The following BBS2 variants were observed in gnomAD, a reference collection of about 807,000 sequenced individuals.
The protein encoded by BBS2 is BBSome complex member BBS2.
A neutral mutation model predicts 83.0 loss-of-function variants in BBS2; 62 were observed. The ratio of observed to expected loss-of-function variants is 0.75; its 90% CI spans 0.61 to 0.92. The LOEUF (loss-of-function observed/expected upper bound fraction) is 0.92. Ranked by LOEUF, BBS2 falls within the 40% of genes least tolerant of loss-of-function variation. BBS2 has a pLI of 0.00. For synonymous variants in BBS2, 303 were observed against 326.1 expected (o/e 0.93, Z 0.76); for missense variants, 784 against 901.0 (o/e 0.87, Z 1.66).
chr16:56,475,989 A>G, intron 17 of BBS2: 1 of 1,491,064 alleles, frequency 6.7e-7, no homozygotes, highest in Non-Finnish European at 9.2e-7. Flanking sequence ...TTAATCATCC[A>G]AGATTTGAGA....
chr16:56,500,068 T>G lies in BBS2; in HGVS notation c.1398-161A>C, dbSNP rs1964221162. 6 of 746,076 alleles carry G rather than the reference T, an allele frequency of 8.0e-6. No homozygotes were observed. In the East Asian group the frequency reaches 1.7e-4, roughly 21 times the overall value. The allele number at this position is 746,076 out of a possible 1,614,324, so 46.2% of individuals were successfully genotyped here. A position where few individuals can be genotyped will look rare whatever the true frequency, so the allele number is the denominator to read the frequency against. ...ACACTTGAGGGTTAAAGTACTACAG[T>G]AATATATTAGGTTTGGGATTTAAAG... On this transcript the variant is annotated intron_variant, in intron 11 of 16. Coordinates refer to ENST00000245157, the MANE Select transcript of BBS2 (RefSeq NM_031885.5).
downstream of BBS2, among the ~76,000 whole-genome samples, chr16:56,480,354 A>AC (rs1963634411): frequency 9.9e-6 from 1 of 101,134 alleles, no homozygotes; most frequent in Admixed American, 9.0e-5. Context: ...CACACACACA[A>AC]AAAAAAAAAA....
intron 4 of BBS2, among the ~76,000 whole-genome samples, chr16:56,510,308 C>T (rs978985542): frequency 5.3e-5 from 8 of 152,188 alleles, no homozygotes; most frequent in African/African-American, 1.4e-4. Flanking sequence ...TGAAAAGGCT[C>T]CCTGGATCAG....
chr16:56,502,555 G>T, intron 8 of BBS2, 99 bp from the exon 9 acceptor site: 2 of 1,610,178 alleles, frequency 1.2e-6, no homozygotes, highest in Middle Eastern at 3.3e-4. Flanking sequence ...CCCAACTTTG[G>T]TGAATTTATT....
At chr16:56,480,358 AAAAAAAAC>A (rs1408854809), downstream of BBS2, among the ~76,000 whole-genome samples, 3 of 145,316 alleles carry the variant, frequency 2.1e-5, no homozygotes, top group East Asian at 2.0e-4. Flanking sequence ...CACACAAAAA[AAAAAAAAC>A]AAAAAAAAAA....
At chr16:56,495,911 G>C (rs1425948908) in intron 15 of BBS2, among the ~76,000 whole-genome samples, 2 of 151,978 alleles carry the variant, frequency 1.3e-5, no homozygotes, top group Non-Finnish European at 2.9e-5. Context: ...GAGGGAAAGA[G>C]GGTGAGTGTA....
chr16:56,512,512 G>A (rs1314259744), intron 2 of BBS2, among the ~76,000 whole-genome samples: 1 of 151,938 alleles, frequency 6.6e-6, no homozygotes, highest in Non-Finnish European at 1.5e-5. Context: ...TTCACACAAT[G>A]GAATATACTA....
intron 15 of BBS2, among the ~76,000 whole-genome samples, chr16:56,486,812 G>T (rs1963793473): frequency 6.8e-6 from 1 of 147,976 alleles, no homozygotes; most frequent in Non-Finnish European, 1.5e-5. Flanking sequence ...AAGCTAGATG[G>T]AGTGCAATGG....
chr16:56,482,276 C>G (rs1216854672), downstream of BBS2, among the ~76,000 whole-genome samples: 1 of 152,180 alleles, frequency 6.6e-6, no homozygotes, highest in African/African-American at 2.4e-5. Flanking sequence ...AGTCACTAGA[C>G]AGGTCACACA....
intron 17 of BBS2, chr16:56,475,356 A>G (rs1963410595): frequency 2.7e-6 from 2 of 733,790 alleles, no homozygotes; most frequent in Non-Finnish European, 4.8e-6. Flanking sequence ...GATAAACTAG[A>G]TGATAAGTTC....
intron 14 of BBS2, 89 bp downstream of exon 14, chr16:56,497,654 T>C (rs560657150): frequency 3.2e-6 from 5 of 1,562,116 alleles, no homozygotes; most frequent in Middle Eastern, 1.7e-4. Flanking sequence ...AACATCACTA[T>C]AACATAAGTA....
At chr16:56,488,124 T>C (rs760405179) in intron 15 of BBS2, among the ~76,000 whole-genome samples, 6 of 152,142 alleles carry the variant, frequency 3.9e-5, no homozygotes, top group Admixed American at 3.3e-4. Context: ...AAAAACAAAC[T>C]GTTCCTCCTC....
intron 15 of BBS2, among the ~76,000 whole-genome samples, chr16:56,486,497 A>G (rs1350694162): frequency 6.6e-6 from 1 of 152,228 alleles, no homozygotes; most frequent in African/African-American, 2.4e-5. Flanking sequence ...TATCCATACA[A>G]TGGAATACTA....
chr16:56,509,951 T>C lies in BBS2; in HGVS notation c.612+6A>G, dbSNP rs536592566. 6.2e-7 allele frequency: 1 copy of C among 1,613,928 alleles called. No homozygotes were observed. The highest frequency in any genetic ancestry group is 2.2e-5 in the East Asian group (1 of 44,880). On this transcript the variant is annotated splice_donor_region_variant and intron_variant, in intron 5 of 16. Transcript: ENST00000245157. ...GGTTACCATAGTTCGAGGTGGAGCT[T>C]CTTACCTCTGTTTCTGTCATTTCTG...
chr16:56,471,122 C>G (rs2144035975), intron 17 of BBS2, among the ~76,000 whole-genome samples: 2 of 151,594 alleles, frequency 1.3e-5, no homozygotes, highest in East Asian at 3.9e-4. Context: ...GAGGCGGAGG[C>G]AGTCTGATCA....
downstream of BBS2, among the ~76,000 whole-genome samples, chr16:56,480,452 G>A (rs949172695): frequency 1.3e-5 from 2 of 150,206 alleles, no homozygotes; most frequent in Non-Finnish European, 2.9e-5. Context: ...CGGAGTCTCT[G>A]TCACCCAGGC....
chr16:56,499,566 G>A, intron 12 of BBS2: 2 of 546,042 alleles, frequency 3.7e-6, no homozygotes, highest in South Asian at 1.9e-5. Flanking sequence ...ACCAATAACT[G>A]AGGATTGCTC....
chr16:56,495,790 G>A (rs201681421), intron 15 of BBS2, among the ~76,000 whole-genome samples: 400 of 97,472 alleles, frequency 4.1e-3, no homozygotes, highest in Admixed American at 6.2e-3. Context: ...GTGTGTGTGT[G>A]TATATATATG....
In BBS2 at chr16:56,484,662, T is replaced by C; in HGVS notation, c.*99A>G. 2.1e-6 allele frequency: 2 copies of C among 940,654 alleles called. No individual in the cohort carries two copies. Among genetic ancestry groups the C allele is most frequent in the Non-Finnish European group, 3.4e-6 (2 of 587,626 alleles). 58.3% of individuals were successfully genotyped at this position (940,654 alleles called of 1,614,324 possible). ...AACTCACCAAGGTTATTTTCATTCT[T>C]AGCACCCGGGGTTCACCAGGGTGTG... On this transcript the variant is annotated 3_prime_UTR_variant, in exon 17 of 17. Transcript: ENST00000245157.
Sources: allele counts gnomAD v4.1 joint callset (sites outside exome capture counted in the v4.1 genomes callset), GRCh38; gene constraint gnomAD v4.1.1; transcripts MANE v1.5; gene names NCBI Gene and HGNC (gene_info 2026-07-23, HGNC 2026-07-21).